KIF24: variants seen among roughly 807,000 people sequenced by gnomAD.
KIF24 encodes the protein kinesin-like protein KIF24.
KIF24 carries 81 observed loss-of-function variants against 118.9 expected under a neutral mutation model. The observed-to-expected ratio is 0.68, with a 90% confidence interval of 0.57 to 0.82. The LOEUF (loss-of-function observed/expected upper bound fraction) is 0.82, where lower values mean the gene tolerates loss of function less well. KIF24 is among the 40% of genes least tolerant of loss of function. The pLI, the probability that KIF24 is intolerant of heterozygous loss-of-function variation, is 0.00. For missense variants in KIF24, 1,560 were observed against 1,661.6 expected (o/e 0.94, Z 1.06); for synonymous variants, 599 against 610.0 (o/e 0.98, Z 0.27).
At chr9:34,296,209 A>ACTCTGTCT (rs1470099763) in intron 4 of KIF24, among the ~76,000 whole-genome samples, 1 of 110,638 alleles carries the variant, frequency 9.0e-6, no homozygotes, top group African/African-American at 3.6e-5. Context: ...ACAGAGTGAG[A>ACTCTGTCT]CTCTGTCTCA....
At chr9:34,311,396 C>T (rs752407021) in intron 1 of KIF24, 25 bp from the exon 2 acceptor site, 75 of 1,303,818 alleles carry the variant, frequency 5.8e-5, no homozygotes, top group Non-Finnish European at 7.1e-5. Flanking sequence ...AAAAGCCATT[C>T]GCTTGAAATA....
At chr9:34,259,491 A>C in intron 10 of KIF24, 105 bp downstream of exon 10, 1 of 790,914 alleles carries the variant, frequency 1.3e-6, no homozygotes, top group Non-Finnish European at 2.2e-6. Flanking sequence ...AGACATGTGC[A>C]TGCACTTGCA....
chr9:34,281,713 T>C (rs1183782612), intron 6 of KIF24, among the ~76,000 whole-genome samples: 2 of 152,210 alleles, frequency 1.3e-5, no homozygotes, highest in Non-Finnish European at 2.9e-5. Context: ...ATGCCAAACC[T>C]GACTGCTTTC....
intron 11 of KIF24, 139 bp from the exon 12 acceptor site, chr9:34,255,304 C>A: frequency 1.6e-6 from 1 of 618,464 alleles, no homozygotes; most frequent in South Asian, 1.9e-5. Context: ...GCCAGCTTAC[C>A]AACCAGCTCC....
intron 3 of KIF24, among the ~76,000 whole-genome samples, chr9:34,302,654 C>T (rs1395832782): frequency 2.0e-5 from 3 of 150,136 alleles, no homozygotes; most frequent in African/African-American, 4.9e-5. Context: ...TTAAAAGAGA[C>T]GGAGTTTCAC....
chr9:34,262,860 C>T (rs10120808), intron 9 of KIF24, among the ~76,000 whole-genome samples: 3,453 of 150,608 alleles, frequency 0.023, 148 homozygotes, highest in African/African-American at 0.08. Flanking sequence ...GACCCTGTCT[C>T]AAAAACAACA....
rs780031079 is a variant in KIF24 at position 34,290,335 on chromosome 9, G to A, written c.966C>T (p.Thr322=). The A allele has an allele frequency of 3.7e-6, 6 of 1,613,748 alleles. No homozygotes were observed. Among genetic ancestry groups the A allele is most frequent in the Non-Finnish European group, 5.1e-6 (6 of 1,179,786 alleles). The change falls in exon 5 of 13, where the codon ACC becomes ACT. Residue 322 remains threonine (T), a synonymous_variant. Coordinates refer to ENST00000402558, the MANE Select transcript of KIF24 (RefSeq NM_194313.4). ...CTGGGTTCTCATGAGTTCCTATCAT[G>A]GTGTAGGTCTTTCCAGCACCTGTCT... The part of the protein sequence containing the change: ...YGQTGAGKTY[T]MIGTHENPGL...
In KIF24 at chr9:34,255,934, T is replaced by C; in HGVS notation, c.3673A>G (p.Lys1225Glu). 1 of 1,613,998 alleles carries C rather than the reference T, an allele frequency of 6.2e-7. No homozygotes were observed. Among genetic ancestry groups the C allele is most frequent in the Non-Finnish European group, 8.5e-7 (1 of 1,179,870 alleles). Residue 1225 changes from lysine (K) to glutamate (E), a missense_variant, in exon 11 of 13, where the codon AAA becomes GAA. Around this residue, in one of 3 missense-constraint regions of KIF24, gnomAD observed 591 missense variants for 655.6 expected, o/e 0.90. Transcript: ENST00000402558. Reference protein sequence around the residue: ...VADQLWAQERKHPTRLGWQEF... With the variant: ...VADQLWAQEREHPTRLGWQEF... ...TGCCAACCAAGCCTTGTAGGATGTT[T>C]TCTCTCCTGGGCCCAGAGCTGGTCA... is the stretch of plus-strand genomic sequence containing the variant.
intron 4 of KIF24, among the ~76,000 whole-genome samples, chr9:34,290,898 C>A (rs905832475): frequency 6.6e-6 from 1 of 152,076 alleles, no homozygotes; most frequent in Non-Finnish European, 1.5e-5. Flanking sequence ...CCACACCCAG[C>A]CTGAGTTTTC....
chr9:34,329,800 G>A (rs1948435240), upstream of KIF24, among the ~76,000 whole-genome samples: 1 of 152,198 alleles, frequency 6.6e-6, no homozygotes, highest in Non-Finnish European at 1.5e-5. Context: ...TGCACCGGGA[G>A]AAGGGAGGTT....
At chr9:34,288,469 C>T (rs1408807935) in intron 5 of KIF24, among the ~76,000 whole-genome samples, 1 of 149,476 alleles carries the variant, frequency 6.7e-6, no homozygotes, top group Non-Finnish European at 1.5e-5. Context: ...GCCTGGGCGA[C>T]AGAGCAATAC....
intron 4 of KIF24, among the ~76,000 whole-genome samples, chr9:34,296,712 T>C (rs1836494630): frequency 7.1e-6 from 1 of 141,732 alleles, no homozygotes; most frequent in African/African-American, 2.4e-5. Context: ...GGGATAATAT[T>C]GTTAAAAGCT....
At chr9:34,277,505 G>A (rs1366177210) in intron 6 of KIF24, among the ~76,000 whole-genome samples, 1 of 152,130 alleles carries the variant, frequency 6.6e-6, no homozygotes, top group Non-Finnish European at 1.5e-5. Context: ...AATGCAAAGG[G>A]CGGCCCTGTG....
chr9:34,268,788 G>A (rs887168649), intron 8 of KIF24, among the ~76,000 whole-genome samples: 9 of 152,256 alleles, frequency 5.9e-5, no homozygotes, highest in Admixed American at 3.9e-4. Flanking sequence ...GATTATAGGC[G>A]TGAGCCACCG....
intron 9 of KIF24, among the ~76,000 whole-genome samples, chr9:34,260,711 C>T (rs1835020403): frequency 6.6e-6 from 1 of 152,224 alleles, no homozygotes; most frequent in Non-Finnish European, 1.5e-5. Flanking sequence ...TGGCTCATGC[C>T]TGTAATCCTA....
chr9:34,300,710 C>A (rs1157140144), intron 3 of KIF24, among the ~76,000 whole-genome samples: 1 of 151,754 alleles, frequency 6.6e-6, no homozygotes, highest in Non-Finnish European at 1.5e-5. Flanking sequence ...CTATTTCATA[C>A]ACAGTTTCTA....
At chr9:34,260,395 A>G (rs899196191) in intron 9 of KIF24, among the ~76,000 whole-genome samples, 1 of 148,548 alleles carries the variant, frequency 6.7e-6, no homozygotes, top group African/African-American at 2.4e-5. Context: ...AACCATTAAA[A>G]ATGATTATAC....
intron 1 of KIF24, among the ~76,000 whole-genome samples, chr9:34,325,255 G>A (rs1189911390): frequency 6.6e-6 from 1 of 151,370 alleles, no homozygotes; most frequent in African/African-American, 2.4e-5. Flanking sequence ...TGAGATGGGA[G>A]GATCACTTGA....
chr9:34,319,177 G>A (rs747179063), intron 1 of KIF24: 45 of 1,604,006 alleles, frequency 2.8e-5, no homozygotes, highest in Non-Finnish European at 3.2e-5. Flanking sequence ...TCGTGGAGAT[G>A]CCCCTGGCCC....
Sources: allele counts gnomAD v4.1 joint callset (sites outside exome capture counted in the v4.1 genomes callset), GRCh38; gene constraint gnomAD v4.1.1; regional missense constraint gnomAD v4.1.1; transcripts MANE v1.5; gene names NCBI Gene and HGNC (gene_info 2026-07-23, HGNC 2026-07-21).